Variants in GALNT9 observed in about 807,000 individuals in gnomAD.
The protein encoded by GALNT9 is polypeptide N-acetylgalactosaminyltransferase 9.
In GALNT9, 47 loss-of-function variants were observed where a neutral mutation model predicts 63.1. That is an observed-to-expected ratio of 0.75 (90% CI 0.59 to 0.95). GALNT9 has a LOEUF of 0.95. GALNT9 is among the 40% of genes least tolerant of loss of function. GALNT9 has a pLI of 0.00. For synonymous variants in GALNT9, 396 were observed against 365.7 expected (o/e 1.08, Z -0.94); for missense variants, 829 against 874.8 (o/e 0.95, Z 0.66).
intron 6 of GALNT9, among the ~76,000 whole-genome samples, chr12:132,216,939 T>C (rs753193197): frequency 1.3e-5 from 2 of 152,248 alleles, no homozygotes; most frequent in Non-Finnish European, 2.9e-5. Context: ...TGTGACGAAC[T>C]GTGTGTTTCC....
rs1237415738 is a variant in GALNT9 at position 132,329,166 on chromosome 12, A to G, written c.38T>C (p.Val13Ala). 1 of 1,548,836 alleles carries G rather than the reference A, an allele frequency of 6.5e-7. No homozygotes were observed. Among genetic ancestry groups the G allele is most frequent in the African/African-American group, 1.4e-5 (1 of 72,924 alleles). ...VARKIRTLLTVNILVFVGIVL... is the reference protein window; with the variant it reads ...VARKIRTLLTANILVFVGIVL... ...GATGCCCACGAACACCAGGATGTTCACCGTCAGCAAAGTTCGGATCTTCCT... is the reference window on the plus strand; with the variant it reads ...GATGCCCACGAACACCAGGATGTTCGCCGTCAGCAAAGTTCGGATCTTCCT... The change falls in exon 1 of 11, where the codon GTG (valine) becomes GCG (alanine). Residue 13 changes from valine (V) to alanine (A), a missense_variant. Transcript: ENST00000328957.
intron 1 of GALNT9, among the ~76,000 whole-genome samples, chr12:132,322,433 GAGAC>G (rs1257292153): frequency 1.3e-5 from 2 of 152,262 alleles, no homozygotes; most frequent in Admixed American, 6.5e-5. Flanking sequence ...GTTGCTCACT[GAGAC>G]AGGCCCTCAG....
intron 6 of GALNT9, among the ~76,000 whole-genome samples, chr12:132,212,141 T>C (rs1214670317): frequency 6.6e-6 from 1 of 150,514 alleles, no homozygotes; most frequent in Non-Finnish European, 1.5e-5. Flanking sequence ...CCCACCCGGG[T>C]CTACAGCCTT....
At chr12:132,267,738 TAC>T (rs1196009047) in intron 2 of GALNT9, among the ~76,000 whole-genome samples, 1 of 136,358 alleles carries the variant, frequency 7.3e-6, no homozygotes, top group Non-Finnish European at 1.5e-5. Context: ...AATGGGGAAA[TAC>T]ACAAGCACAC....
chr12:132,290,568 A>ACCCACATCCACAGCG (rs1880772039), intron 1 of GALNT9, among the ~76,000 whole-genome samples: 1 of 150,122 alleles, frequency 6.7e-6, no homozygotes, highest in Admixed American at 6.6e-5. Flanking sequence ...CGTCCACACC[A>ACCCACATCCACAGCG]CCCACATCCA....
chr12:132,242,231 A>G (rs1489947392), intron 6 of GALNT9, among the ~76,000 whole-genome samples: 1 of 2,994 alleles, frequency 3.3e-4, no homozygotes, highest in Non-Finnish European at 5.2e-4. Flanking sequence ...CCCTATACCC[A>G]TTACACACAC....
At position 132,199,171 on chromosome 12, in the gene GALNT9, T is replaced by A. The variant is rs1875789261; in HGVS notation, c.1497+3A>T. 3.1e-6 allele frequency: 5 copies of A among 1,591,410 alleles called. No homozygotes were observed. The highest frequency in any genetic ancestry group is 4.3e-6 in the Non-Finnish European group (5 of 1,169,352). On this transcript the variant is annotated splice_donor_region_variant and intron_variant, in intron 9 of 10. Transcript: ENST00000328957. ...CTGCATGGGTGGCCGCTGCTACTCC[T>A]ACCTGGGAGGACATCCCGTGGCAGG... is the stretch of plus-strand genomic sequence containing the variant.
At chr12:132,215,558 G>A (rs1193998878) in intron 6 of GALNT9, among the ~76,000 whole-genome samples, 3 of 152,246 alleles carry the variant, frequency 2.0e-5, no homozygotes, top group Non-Finnish European at 2.9e-5. Flanking sequence ...CCACTCCGAG[G>A]GCCAGGCAAG....
chr12:132,198,490 T>C (rs562854522), intron 9 of GALNT9, among the ~76,000 whole-genome samples: 1 of 150,176 alleles, frequency 6.7e-6, no homozygotes, highest in East Asian at 2.0e-4. Flanking sequence ...AGGTGGGGAG[T>C]GCTCGGAGGT....
rs375507622 is a variant in GALNT9 at position 132,204,564 on chromosome 12, G to A, written c.1078-874C>T. Among the ~76,000 whole-genome samples, 749 of 152,232 alleles carry A rather than the reference G, an allele frequency of 4.9e-3. 7 individuals are homozygous for A. The highest frequency in any genetic ancestry group is 0.016 in the African/African-American group (652 of 41,540). ...CCCTGCCTTCAGGCTTGGAGCTCACGCCACCGGCTCTCCTGGGCGCCTGCC... is the reference window on the plus strand; with the variant it reads ...CCCTGCCTTCAGGCTTGGAGCTCACACCACCGGCTCTCCTGGGCGCCTGCC... On this transcript the variant is annotated intron_variant, in intron 6 of 10. Transcript: ENST00000328957.
intron 6 of GALNT9, among the ~76,000 whole-genome samples, chr12:132,215,027 G>A (rs954482591): frequency 6.6e-6 from 1 of 152,224 alleles, no homozygotes; most frequent in African/African-American, 2.4e-5. Context: ...AGCACCCTCC[G>A]CTGGTGCTGA....
chr12:132,240,808 C>A (rs1229110064), intron 6 of GALNT9: 7 of 427,140 alleles, frequency 1.6e-5, no homozygotes, highest in Non-Finnish European at 3.3e-5. Flanking sequence ...ACATGCCACA[C>A]ACCCTTCCCA....
rs1052148443 is a variant in GALNT9, at chr12:132,299,016, C to T, written c.239-12586G>A. 1.3e-5 allele frequency among the ~76,000 whole-genome samples: 2 copies of T among 148,362 alleles called. 1 individual carries two copies. Among genetic ancestry groups the T allele is most frequent in the Non-Finnish European group, 3.0e-5 (2 of 66,808 alleles). On this transcript the variant is annotated intron_variant, in intron 1 of 10. Coordinates refer to ENST00000328957, the MANE Select transcript of GALNT9 (RefSeq NM_001122636.2). ...CACACCTAACCCATCCCTGAGATGA[C>T]CAAGCCACTCCTGAGATAACTCACT...
intron 8 of GALNT9, 86 bp downstream of exon 8, chr12:132,201,038 G>T: frequency 7.7e-7 from 1 of 1,294,442 alleles, no homozygotes; most frequent in Non-Finnish European, 1.1e-6. Flanking sequence ...ATGTGGATGT[G>T]CCTGCATCAC....
intron 1 of GALNT9, among the ~76,000 whole-genome samples, chr12:132,287,574 C>T (rs924359867): frequency 6.6e-6 from 1 of 152,150 alleles, no homozygotes; most frequent in Non-Finnish European, 1.5e-5. Context: ...AGACCTCATC[C>T]CGTGTGGCCG....
intron 6 of GALNT9, among the ~76,000 whole-genome samples, chr12:132,216,965 T>C (rs1877222883): frequency 6.6e-6 from 1 of 152,214 alleles, no homozygotes; most frequent in Admixed American, 6.5e-5. Flanking sequence ...GGTGTTGTGA[T>C]CCACTAAACT....
intron 6 of GALNT9, among the ~76,000 whole-genome samples, chr12:132,204,799 C>T (rs780208590): frequency 2.6e-5 from 4 of 152,246 alleles, no homozygotes; most frequent in South Asian, 4.2e-4. Flanking sequence ...ATGCCACCCA[C>T]GGGCTGACAT....
Position 132,237,241 on chromosome 12 carries a change from C to T in GALNT9, c.1077+10669G>A, listed in dbSNP as rs2136895272. On this transcript the variant is annotated intron_variant, in intron 6 of 10. Coordinates refer to ENST00000328957, the MANE Select transcript of GALNT9 (RefSeq NM_001122636.2). ...CCGTGTACCCTCAGCTGCCCCAGGC[C>T]ACCTGATCACACCCGTCCACACCTG... Among the ~76,000 whole-genome samples the T allele has an allele frequency of 4.8e-3, 734 of 152,218 alleles. 22 individuals carry two copies. In the East Asian group the frequency reaches 0.066, roughly 14 times the overall value.
chr12:132,225,094 CTG>C (rs1464948222), intron 6 of GALNT9, among the ~76,000 whole-genome samples: 6 of 135,996 alleles, frequency 4.4e-5, no homozygotes, highest in African/African-American at 1.1e-4. Flanking sequence ...ATGCCACACA[CTG>C]TACATACACA....
Sources: gnomAD v4.1 joint callset for allele counts (sites outside exome capture counted in the v4.1 genomes callset) on GRCh38, gnomAD v4.1.1 for gene constraint, MANE v1.5 for transcripts, NCBI Gene and HGNC (gene_info 2026-07-23, HGNC 2026-07-21) for gene names.